The following CXorf58 variants were observed in gnomAD, a reference collection of about 807,000 sequenced individuals.
CXorf58 encodes uncharacterized protein CXorf58.
In CXorf58, 24 loss-of-function variants were observed where a neutral mutation model predicts 26.0. That is an observed-to-expected ratio of 0.92 (90% CI 0.67 to 1.30). The LOEUF (loss-of-function observed/expected upper bound fraction) is 1.30, where lower values mean the gene tolerates loss of function less well. CXorf58 is among the 50% of genes most tolerant of loss of function. CXorf58 has a pLI of 0.00. For missense variants in CXorf58, 236 were observed against 263.9 expected (o/e 0.89, Z 0.73); for synonymous variants, 87 against 86.1 (o/e 1.01, Z -0.06).
intron 5 of CXorf58, among the ~76,000 whole-genome samples, chrX:23,917,020 T>A (rs933092415): frequency 9.1e-6 from 1 of 109,701 alleles, no homozygotes; most frequent in African/African-American, 3.3e-5. Context: ...AGAAAAAAAA[T>A]GGTCTGGACT....
chrX:23,928,427 C>T (rs945866659), intron 6 of CXorf58, among the ~76,000 whole-genome samples: 3 of 111,137 alleles, frequency 2.7e-5, no homozygotes, highest in Non-Finnish European at 5.7e-5. Context: ...AGGTGATCTG[C>T]CCGTCTCGGC....
chrX:23,916,376 C>T (rs764907708), intron 5 of CXorf58, 48 bp downstream of exon 5: 1 of 772,823 alleles, frequency 1.3e-6, no homozygotes, highest in South Asian at 2.3e-5. Context: ...TTTTTAACAT[C>T]TACATAGTAT....
rs148995475 is a variant in CXorf58 at position 23,935,744 on chromosome X, A to T, written c.785+319A>T. On this transcript the variant is annotated intron_variant, in intron 7 of 8. Transcript: ENST00000379211. Reference sequence around the variant, plus strand: ...CAGTTAGTGGGCATGGAGACAGTGCACATGGAAGTGGGACCCCAGGCCAGC... The same window carrying T: ...CAGTTAGTGGGCATGGAGACAGTGCTCATGGAAGTGGGACCCCAGGCCAGC... Among the ~76,000 whole-genome samples, 51 of 110,307 alleles carry T rather than the reference A, an allele frequency of 4.6e-4. No homozygotes were observed. In the East Asian group the frequency reaches 0.014, roughly 31 times the overall value.
At chrX:23,911,981 T>C in intron 3 of CXorf58, 125 bp downstream of exon 3, 1 of 507,124 alleles carries the variant, frequency 2.0e-6, no homozygotes, top group Non-Finnish European at 3.3e-6. Flanking sequence ...AGAGGGAGTC[T>C]GGCTCTTTCA....
At chrX:23,926,401 C>G (rs1928013298) in intron 5 of CXorf58, among the ~76,000 whole-genome samples, 1 of 111,078 alleles carries the variant, frequency 9.0e-6, no homozygotes, top group African/African-American at 3.3e-5. Context: ...GAAAACCCCT[C>G]TATTTGCCAC....
intron 6 of CXorf58, among the ~76,000 whole-genome samples, chrX:23,928,643 T>C (rs766748031): frequency 1.3e-4 from 15 of 111,680 alleles, no homozygotes; most frequent in Non-Finnish European, 2.8e-4. Context: ...ATATCTGTTA[T>C]GGTGAACTGT....
chrX:23,930,213 A>G (rs1047630421), intron 6 of CXorf58, among the ~76,000 whole-genome samples: 13 of 106,925 alleles, frequency 1.2e-4, no homozygotes, highest in African/African-American at 3.7e-4. Flanking sequence ...AAAAAAAAAA[A>G]AAAAGAAAAA....
intron 5 of CXorf58, among the ~76,000 whole-genome samples, chrX:23,921,020 TA>T (rs1446103762): frequency 9.0e-6 from 1 of 111,624 alleles, no homozygotes; most frequent in Non-Finnish European, 1.9e-5. Flanking sequence ...ACTTGAAGGA[TA>T]AATTTATGCC....
intron 3 of CXorf58, among the ~76,000 whole-genome samples, chrX:23,914,159 C>T (rs1029700676): frequency 5.4e-5 from 6 of 110,614 alleles, no homozygotes; most frequent in Admixed American, 9.6e-5. Flanking sequence ...GATCTCGGCT[C>T]ACTGCAACCT....
intron 3 of CXorf58, among the ~76,000 whole-genome samples, chrX:23,912,145 G>C (rs1927599801): frequency 9.1e-6 from 1 of 110,455 alleles, no homozygotes; most frequent in African/African-American, 3.3e-5. Flanking sequence ...TAGCGATGGG[G>C]TTTCACCATG....
At chrX:23,924,172 A>G (rs995021706) in intron 5 of CXorf58, among the ~76,000 whole-genome samples, 2 of 112,076 alleles carry the variant, frequency 1.8e-5, no homozygotes, top group African/African-American at 6.5e-5. Context: ...TATGGTCTTC[A>G]TACCTGTTCA....
chrX:23,938,436 T>C, intron 7 of CXorf58, 111 bp from the exon 8 acceptor site: 4 of 546,462 alleles, frequency 7.3e-6, no homozygotes, highest in East Asian at 3.6e-5. Flanking sequence ...CCAATGTTGC[T>C]AAGGTCTGTG....
At chrX:23,937,614 A>C (rs1163867626) in intron 7 of CXorf58, among the ~76,000 whole-genome samples, 1 of 109,293 alleles carries the variant, frequency 9.1e-6, no homozygotes, top group Non-Finnish European at 1.9e-5. Flanking sequence ...TAATAGAGAC[A>C]GGGTTTCTCC....
intron 5 of CXorf58, 46 bp downstream of exon 5, chrX:23,916,374 A>G: frequency 2.5e-6 from 2 of 793,173 alleles, no homozygotes; most frequent in Non-Finnish European, 1.9e-6. Context: ...GCTTTTTAAC[A>G]TCTACATAGT....
chrX:23,917,927 G>A (rs1380403851), intron 5 of CXorf58, among the ~76,000 whole-genome samples: 3 of 111,259 alleles, frequency 2.7e-5, no homozygotes, highest in Admixed American at 9.6e-5. Context: ...TACAAGCTCC[G>A]CCTCCCAGGT....
chrX:23,932,867 C>T (rs961085832), intron 6 of CXorf58, among the ~76,000 whole-genome samples: 12 of 111,247 alleles, frequency 1.1e-4, no homozygotes, highest in African/African-American at 2.3e-4. Context: ...TGGTGGCACA[C>T]GCCTATAATC....
intron 6 of CXorf58, among the ~76,000 whole-genome samples, chrX:23,930,592 A>T (rs1404608915): frequency 3.4e-5 from 3 of 86,968 alleles, no homozygotes; most frequent in Admixed American, 1.4e-4. Flanking sequence ...CAACAGAGTG[A>T]GACCCTGTCT....
chrX:23,928,269 C>T (rs769039380), intron 6 of CXorf58, among the ~76,000 whole-genome samples: 24 of 110,581 alleles, frequency 2.2e-4, no homozygotes, highest in Non-Finnish European at 4.2e-4. Flanking sequence ...CAACCTCTGC[C>T]TCTTGGGTTC....
At chrX:23,911,574 C>T (rs1400702468) in intron 2 of CXorf58, among the ~76,000 whole-genome samples, 183 bp from the exon 3 acceptor site, 1 of 110,097 alleles carries the variant, frequency 9.1e-6, no homozygotes, top group African/African-American at 3.3e-5. Context: ...ATTTCATATC[C>T]TCATTCTGAG....
Sources: gnomAD v4.1 joint callset for allele counts (sites outside exome capture counted in the v4.1 genomes callset) on GRCh38, gnomAD v4.1.1 for gene constraint, MANE v1.5 for transcripts, NCBI Gene and HGNC (gene_info 2026-07-23, HGNC 2026-07-21) for gene names.